Variants in ARAP3 observed in about 807,000 individuals in gnomAD.
ARAP3 encodes ArfGAP with RhoGAP domain, ankyrin repeat and PH domain 3.
Under a neutral mutation model 169.2 loss-of-function variants are expected in ARAP3, and 82 were observed. The ratio of observed to expected loss-of-function variants is 0.48; its 90% CI spans 0.41 to 0.58. The LOEUF is 0.58. Ranked by LOEUF, ARAP3 falls within the 20% of genes least tolerant of loss-of-function variation. ARAP3 has a pLI of 0.00. For missense variants in ARAP3, 1,764 were observed against 2,018.0 expected (o/e 0.87, Z 2.41); for synonymous variants, 791 against 800.3 (o/e 0.99, Z 0.20).
Position 141,656,516 on chromosome 5 carries a change from G to T in ARAP3, c.3777C>A (p.Leu1259=). The change falls in exon 27 of 33, where the codon CTC becomes CTA. Residue 1259 remains leucine, a synonymous_variant. Coordinates refer to ENST00000239440, the MANE Select transcript of ARAP3 (RefSeq NM_022481.6). Reference sequence around the variant, plus strand: ...CCCAGGGCCTCACTTTCTTCTCCTTGAGCAGCAGCAGGCAGCGGCCACGCA... The same window carrying T: ...CCCAGGGCCTCACTTTCTTCTCCTTTAGCAGCAGCAGGCAGCGGCCACGCA... The part of the protein sequence containing the change: ...FLLRGRCLLL[L]KEKKSSKPER... The T allele has an allele frequency of 6.2e-7, 1 of 1,611,994 alleles. No homozygotes were observed. The highest frequency in any genetic ancestry group is 1.7e-4 in the Middle Eastern group (1 of 6,052).
At chr5:141,677,017 C>T (rs1209374399) in intron 4 of ARAP3, among the ~76,000 whole-genome samples, 2 of 152,154 alleles carry the variant, frequency 1.3e-5, no homozygotes, top group African/African-American at 4.8e-5. Context: ...CGTGGCGGCT[C>T]CAGGAACTTT....
In ARAP3 at chr5:141,659,420, C is replaced by T; in HGVS notation, c.3324G>A (p.Trp1108Ter). 1 of 1,614,138 alleles carries T rather than the reference C, an allele frequency of 6.2e-7. No homozygotes were observed. Reference sequence around the variant, plus strand: ...CAGGACGAGTTACCTGCACGTCCTTCCAGGTGGTGATAAGACTGACCTCCA... The same window carrying T: ...CAGGACGAGTTACCTGCACGTCCTTTCAGGTGGTGATAAGACTGACCTCCA... ...IDLEVSLITT[W>*]KDVQLSQAGD... The change falls in exon 23 of 33, where the codon TGG (tryptophan) becomes TGA (stop). Residue 1108 changes from tryptophan (W) to a stop codon, truncating the protein, a stop_gained. Transcript: ENST00000239440. LOFTEE classifies it high-confidence loss of function.
chr5:141,662,314 G>C lies in ARAP3; in HGVS notation c.2801-59C>G, dbSNP rs1161948102. ...TGCAAAGGCTACCACCACCCACCAC[G>C]GCCCATCTGTGGCCTCCCTATGTGG... On this transcript the variant is annotated intron_variant, in intron 19 of 32. Transcript: ENST00000239440. 2.6e-6 allele frequency: 4 copies of C among 1,560,684 alleles called. No individual in the cohort carries two copies. In the African/African-American group the frequency reaches 5.4e-5, roughly 21 times the overall value.
intron 16 of ARAP3, 29 bp downstream of exon 16, chr5:141,669,680 A>G (rs566370490): frequency 1.2e-6 from 2 of 1,600,814 alleles, no homozygotes; most frequent in South Asian, 2.2e-5. Context: ...AAAGCATGAG[A>G]TGCTGCAGAG....
chr5:141,673,131 G>T lies in ARAP3; in HGVS notation c.975C>A (p.Asp325Glu). The T allele has an allele frequency of 6.2e-7, 1 of 1,614,172 alleles. No homozygotes were observed. The highest frequency in any genetic ancestry group is 8.5e-7 in the Non-Finnish European group (1 of 1,180,026). Residue 325 changes from aspartate to glutamate, a missense_variant and splice_region_variant, in exon 7 of 33, where the codon GAC becomes GAA. Transcript: ENST00000239440. ...RSLMYFGSDK[D>E]PFPKGVIPLT... ...AAGGTATCACACCCTTAGGGAAGGG[G>T]TCCTGGAGAGAGAGAGCTCAATGAC... is the stretch of plus-strand genomic sequence containing the variant.
At chr5:141,670,447 T>G (rs910932268) in intron 14 of ARAP3, 65 bp downstream of exon 14, 1 of 1,494,898 alleles carries the variant, frequency 6.7e-7, no homozygotes, top group Admixed American at 1.7e-5. Flanking sequence ...TTTGTCCCTC[T>G]GCAGTACCCT....
At chr5:141,673,947 T>A in intron 4 of ARAP3, 139 bp from the exon 5 acceptor site, 1 of 739,980 alleles carries the variant, frequency 1.4e-6, no homozygotes, top group Non-Finnish European at 2.1e-6. Context: ...TTTCTTTTTC[T>A]TTTCTTTTCT....
At position 141,656,781 on chromosome 5, in the gene ARAP3, G is replaced by A. The variant is rs141541534; in HGVS notation, c.3592C>T (p.Pro1198Ser). Residue 1198 changes from proline to serine, a missense_variant, in exon 26 of 33, where the codon CCC (proline) becomes TCC (serine). Physicochemically the swap from Pro to Ser is moderately conservative, Grantham distance 74 (BLOSUM62 -1). Coordinates refer to ENST00000239440, the MANE Select transcript of ARAP3 (RefSeq NM_022481.6). ...QALQWCQLPE[P>S]CSASLLLKKV... is the part of the protein sequence containing the mutation. ...TTCAAGAGCAGGGAAGCTGAGCAGG[G>A]CTCTGGGAGCTGGCACCATTGTAAA... is the stretch of plus-strand genomic sequence containing the variant. 3.7e-6 allele frequency: 6 copies of A among 1,612,302 alleles called. No individual in the cohort carries two copies. The African/African-American group carries it at 8.0e-5, about 22-fold the overall frequency.
In ARAP3 at chr5:141,654,403, C is replaced by T; in HGVS notation, c.4182G>A (p.Glu1394=). 1.2e-6 allele frequency: 2 copies of T among 1,607,022 alleles called. No homozygotes were observed. The highest frequency in any genetic ancestry group is 8.5e-7 in the Non-Finnish European group (1 of 1,176,134). Residue 1394 remains glutamate, a synonymous_variant, in exon 33 of 33, where the codon GAG becomes GAA. Coordinates refer to ENST00000239440, the MANE Select transcript of ARAP3 (RefSeq NM_022481.6). Reference sequence around the variant, plus strand: ...ACACAGGCTCCTCCAGCTCCTCTTGCTCCTCCACAGACCCCTGGGATGACT... The same window carrying T: ...ACACAGGCTCCTCCAGCTCCTCTTGTTCCTCCACAGACCCCTGGGATGACT... ...PMKSSQGSVE[E]QEELEEPVYE...
At chr5:141,664,781 TG>T in intron 19 of ARAP3, 140 bp downstream of exon 19, 2 of 1,057,936 alleles carry the variant, frequency 1.9e-6, no homozygotes, top group Non-Finnish European at 2.7e-6. Context: ...AATGACCAGC[TG>T]GGGTCCAGCT....
In ARAP3 at chr5:141,654,041, G is replaced by A; in HGVS notation, c.4544C>T (p.Pro1515Leu). The A allele has an allele frequency of 1.3e-6, 2 of 1,597,222 alleles. No individual in the cohort carries two copies. Among genetic ancestry groups the A allele is most frequent in the East Asian group, 2.2e-5 (1 of 44,762 alleles). Residue 1515 changes from proline (P) to leucine (L), a missense_variant, in exon 33 of 33, where the codon CCC (proline) becomes CTC (leucine). Around this residue, in one of 3 missense-constraint regions of ARAP3, gnomAD observed 1,112 missense variants for 1,285.7 expected, o/e 0.86. Coordinates refer to ENST00000239440, the MANE Select transcript of ARAP3 (RefSeq NM_022481.6). ...SPSQPSSPQSPSPTGLPTQTP... is the reference protein window; with the variant it reads ...SPSQPSSPQSLSPTGLPTQTP... ...CTGTGTTGGAAGGCCAGTGGGGCTGGGGGATTGGGGGCTGGATGGCTGGGA... is the reference window on the plus strand; with the variant it reads ...CTGTGTTGGAAGGCCAGTGGGGCTGAGGGATTGGGGGCTGGATGGCTGGGA...
chr5:141,669,618 G>T, intron 16 of ARAP3, 91 bp downstream of exon 16: 1 of 1,240,490 alleles, frequency 8.1e-7, no homozygotes, highest in Non-Finnish European at 1.2e-6. Flanking sequence ...GTTAGTGGAA[G>T]AAGTGGCTGT....
At position 141,654,415 on chromosome 5, in the gene ARAP3, C is replaced by T. The variant is rs766209266; in HGVS notation, c.4170G>A (p.Gly1390=). 6.3e-7 allele frequency: 1 copy of T among 1,591,064 alleles called. No homozygotes were observed. The highest frequency in any genetic ancestry group is 2.2e-5 in the East Asian group (1 of 44,566). ...CCAGCTCCTCTTGCTCCTCCACAGA[C>T]CCCTGGGATGACTTCATTGGCTGGA... ...SMFFPMKSSQ[G]SVEEQEELEE... Residue 1390 remains glycine (G), a synonymous_variant, in exon 33 of 33, where the codon GGG becomes GGA. Coordinates refer to ENST00000239440, the MANE Select transcript of ARAP3 (RefSeq NM_022481.6).
intron 27 of ARAP3, 106 bp from the exon 28 acceptor site, chr5:141,656,382 G>C (rs2099909276): frequency 1.3e-6 from 2 of 1,596,510 alleles, no homozygotes; most frequent in African/African-American, 1.3e-5. Context: ...GGTCACAGAA[G>C]TCGGGGGCAG....
Position 141,673,035 on chromosome 5 carries a change from G to C in ARAP3, c.1071C>G (p.Phe357Leu). The change falls in exon 7 of 33, where the codon TTC (phenylalanine) becomes TTG (leucine). Residue 357 changes from phenylalanine to leucine, a missense_variant. Phe to Leu is a conservative substitution (Grantham distance 22, BLOSUM62 0). Around this residue, in one of 3 missense-constraint regions of ARAP3, gnomAD observed 630 missense variants for 678.7 expected, o/e 0.93. Transcript: ENST00000239440. ...CACCCTCGCTCTCTGTGCGGAACAC[G>C]AACACCCTCTGGCCGGTGATGACCT... ...KFQVITGQRV[F>L]VFRTESEAQR... The C allele has an allele frequency of 6.2e-7, 1 of 1,614,086 alleles. No homozygotes were observed.
Position 141,659,401 on chromosome 5 carries a change from G to C in ARAP3, c.3336+7C>G. The C allele has an allele frequency of 6.2e-7, 1 of 1,613,692 alleles. No homozygotes were observed. Among genetic ancestry groups the C allele is most frequent in the Non-Finnish European group, 8.5e-7 (1 of 1,179,590 alleles). ...CCATTCAGGAGACTAAGGTCAGGAC[G>C]AGTTACCTGCACGTCCTTCCAGGTG... On this transcript the variant is annotated splice_region_variant and intron_variant, in intron 23 of 32. Transcript: ENST00000239440.
In ARAP3 at chr5:141,666,442, G is replaced by A. The variant is rs749953827; in HGVS notation, c.2554C>T (p.Arg852Trp). The A allele has an allele frequency of 1.2e-5, 19 of 1,585,762 alleles. No homozygotes were observed. The highest frequency in any genetic ancestry group is 1.5e-5 in the Non-Finnish European group (17 of 1,165,684). Residue 852 changes from arginine (R) to tryptophan (W), a missense_variant, in exon 17 of 33, where the codon CGG becomes TGG. Coordinates refer to ENST00000239440, the MANE Select transcript of ARAP3 (RefSeq NM_022481.6). ...CGCTTACTGATCTCCTGTAGCCGCC[G>A]CAGATGCACCATGTCCTCAGGGGCT... Reference protein sequence around the residue: ...PPAPEDMVHLRRLQEISVVSA... With the variant: ...PPAPEDMVHLWRLQEISVVSA...
chr5:141,659,382 A>G (rs779483707), intron 23 of ARAP3, 26 bp downstream of exon 23: 3 of 1,607,618 alleles, frequency 1.9e-6, no homozygotes, highest in Non-Finnish European at 1.7e-6. Context: ...TGCCCCATTC[A>G]GGAGACTAAG....
At position 141,656,285 on chromosome 5, in the gene ARAP3, A is replaced by T. The variant is rs2099909264; in HGVS notation, c.3790-9T>A. The T allele has an allele frequency of 1.2e-6, 2 of 1,614,060 alleles. No homozygotes were observed. On this transcript the variant is annotated splice_polypyrimidine_tract_variant and intron_variant, in intron 27 of 32. Transcript: ENST00000239440. ...CGTTCTGGTTTAGAGCTCTGAGAAC[A>T]GAAACAGAGTCAGCGAGATGGAGAG... is the stretch of plus-strand genomic sequence containing the variant.
Sources: allele counts gnomAD v4.1 joint callset (sites outside exome capture counted in the v4.1 genomes callset), GRCh38; gene constraint gnomAD v4.1.1; regional missense constraint gnomAD v4.1.1; transcripts MANE v1.5; gene names NCBI Gene and HGNC (gene_info 2026-07-23, HGNC 2026-07-21).